Variants in DEPDC5 observed in about 807,000 individuals in gnomAD.
DEPDC5 encodes the protein DEP domain containing 5, GATOR1 subcomplex subunit.
In DEPDC5, 73 loss-of-function variants were observed where a neutral mutation model predicts 217.3. The ratio of observed to expected loss-of-function variants is 0.34; its 90% CI spans 0.28 to 0.41. DEPDC5 has a LOEUF of 0.41. Ranked by LOEUF, DEPDC5 falls within the 10% of genes least tolerant of loss-of-function variation. DEPDC5 has a pLI of 1.00. For synonymous variants in DEPDC5, 733 were observed against 756.7 expected, an observed-to-expected ratio of 0.97 and a Z score of 0.51; for missense variants, 1,675 against 2,070.1, an observed-to-expected ratio of 0.81 and a Z score of 3.70.
chr22:31,774,866 C>T (rs767816857), intron 7 of DEPDC5, among the ~76,000 whole-genome samples: 2 of 152,070 alleles, frequency 1.3e-5, no homozygotes, highest in African/African-American at 2.4e-5. Flanking sequence ...TCGTGATCCA[C>T]CCACCTCGGC....
At chr22:31,884,382 G>A (rs919903494) in intron 38 of DEPDC5, among the ~76,000 whole-genome samples, 1 of 152,156 alleles carries the variant, frequency 6.6e-6, no homozygotes, top group Non-Finnish European at 1.5e-5. Context: ...AACTCAAATC[G>A]GGTTTCTGTC....
chr22:31,808,313 T>A (rs1217458680), intron 18 of DEPDC5, among the ~76,000 whole-genome samples: 2 of 150,366 alleles, frequency 1.3e-5, no homozygotes, highest in Non-Finnish European at 3.0e-5. Context: ...CAGGCTGGAG[T>A]GCAGTGGTGC....
intron 22 of DEPDC5, 101 bp from the exon 23 acceptor site, chr22:31,821,401 A>C: frequency 2.0e-6 from 3 of 1,494,530 alleles, no homozygotes; most frequent in Non-Finnish European, 2.8e-6. Context: ...AATCTCACCA[A>C]CATCTGTATC....
intron 33 of DEPDC5, among the ~76,000 whole-genome samples, 158 bp downstream of exon 33, chr22:31,861,591 T>C (rs1018531035): frequency 6.6e-6 from 1 of 152,200 alleles, no homozygotes; most frequent in Admixed American, 6.5e-5. Flanking sequence ...TCTTCCATGT[T>C]GTTTGTGGCG....
At chr22:31,894,034 C>A in intron 39 of DEPDC5, 1 of 235,444 alleles carries the variant, frequency 4.2e-6, no homozygotes, top group Non-Finnish European at 8.1e-6. Flanking sequence ...AGCAACAACC[C>A]TAGCCTCTAC....
chr22:31,882,638 T>G (rs1005676297), intron 38 of DEPDC5, among the ~76,000 whole-genome samples: 1 of 152,228 alleles, frequency 6.6e-6, no homozygotes, highest in Non-Finnish European at 1.5e-5. Context: ...AGGCAGCTAA[T>G]GGCAGCAAGT....
At position 31,815,156 on chromosome 22, in the gene DEPDC5, A is replaced by G. The variant is rs988963661; in HGVS notation, c.1610A>G (p.His537Arg). ...GKSANILMIPHPHLHQYEVSS... is the reference protein window; with the variant it reads ...GKSANILMIPRPHLHQYEVSS... ...AGTGCCAACATCCTGATGATCCCAC[A>G]CCCCCACCTGCACCAGTATGAAGTC... Residue 537 changes from histidine to arginine, a missense_variant, in exon 21 of 43, where the codon CAC (histidine) becomes CGC (arginine). Physicochemically the swap from His to Arg is conservative, Grantham distance 29 (BLOSUM62 0). Coordinates refer to ENST00000651528, the MANE Select transcript of DEPDC5 (RefSeq NM_001242896.3). 3 of 1,613,664 alleles carry G rather than the reference A, an allele frequency of 1.9e-6. No individual in the cohort carries two copies. The highest frequency in any genetic ancestry group is 2.7e-5 in the African/African-American group (2 of 74,768).
rs199879940 is a variant in DEPDC5 at position 31,762,375 on chromosome 22, A to C, written c.193+1673A>C. ...TCTTTTTCCCTCTAATGGCTATGCC[A>C]TGCTGTTCAAGGAACCAAAATGTTA... On this transcript the variant is annotated intron_variant, in intron 4 of 42. Coordinates refer to ENST00000651528, the MANE Select transcript of DEPDC5 (RefSeq NM_001242896.3). 2.0e-4 allele frequency among the ~76,000 whole-genome samples: 30 copies of C among 152,348 alleles called. No homozygotes were observed. The East Asian group carries it at 5.2e-3, about 26-fold the overall frequency.
chr22:31,828,357 A>T (rs2090316671), intron 24 of DEPDC5, among the ~76,000 whole-genome samples: 1 of 150,022 alleles, frequency 6.7e-6, no homozygotes, highest in African/African-American at 2.5e-5. Context: ...AGGCTGAGGC[A>T]GGAGAATCGC....
chr22:31,861,046 G>A (rs548419612), intron 32 of DEPDC5, among the ~76,000 whole-genome samples: 308 of 152,194 alleles, frequency 2.0e-3, no homozygotes, highest in African/African-American at 7.3e-3. Context: ...ACCTGAGAGA[G>A]CTTGGACACA....
intron 33 of DEPDC5, among the ~76,000 whole-genome samples, chr22:31,862,370 G>A (rs2092546997): frequency 6.6e-6 from 1 of 152,154 alleles, no homozygotes; most frequent in Admixed American, 6.5e-5. Context: ...TTTGAGACCA[G>A]CTGGGCCAAC....
At chr22:31,813,969 C>G (rs2088761566) in intron 20 of DEPDC5, 1 of 152,082 alleles carries the variant, frequency 6.6e-6, no homozygotes, top group Non-Finnish European at 1.5e-5. Context: ...CCCGTCTCTA[C>G]TAAAAATACG....
intron 9 of DEPDC5, 178 bp from the exon 10 acceptor site, chr22:31,784,636 A>AT: frequency 3.5e-5 from 16 of 461,132 alleles, no homozygotes; most frequent in Non-Finnish European, 4.6e-5. Flanking sequence ...AAAAAAAAAA[A>AT]GATGTACAAA....
intron 21 of DEPDC5, among the ~76,000 whole-genome samples, chr22:31,818,441 G>T (rs969415204): frequency 1.2e-4 from 18 of 152,142 alleles, no homozygotes; most frequent in African/African-American, 3.6e-4. Flanking sequence ...AAGGGAAAAA[G>T]AATGCAGATC....
intron 12 of DEPDC5, among the ~76,000 whole-genome samples, chr22:31,795,315 C>T (rs551089705): frequency 1.7e-4 from 26 of 151,820 alleles, no homozygotes; most frequent in South Asian, 1.0e-3. Flanking sequence ...GGTGATCCAC[C>T]GCCCTCAGCC....
chr22:31,888,361 T>A (rs564893635), intron 38 of DEPDC5, among the ~76,000 whole-genome samples: 12 of 140,894 alleles, frequency 8.5e-5, no homozygotes, highest in African/African-American at 2.9e-4. Context: ...GCAAGTCCCC[T>A]GCCTCAGCCT....
intron 26 of DEPDC5, among the ~76,000 whole-genome samples, chr22:31,838,100 G>A (rs1184498868): frequency 6.6e-6 from 1 of 152,010 alleles, no homozygotes; most frequent in East Asian, 1.9e-4. Context: ...ACTCCAGTTG[G>A]TTCTGGCTTT....
intron 4 of DEPDC5, among the ~76,000 whole-genome samples, 193 bp from the exon 5 acceptor site, chr22:31,764,782 T>G (rs946789541): frequency 5.9e-5 from 9 of 152,288 alleles, no homozygotes; most frequent in Non-Finnish European, 7.4e-5. Context: ...GTTGATTGCT[T>G]AGGCTCTGGT....
At chr22:31,889,057 C>T (rs936829490) in intron 38 of DEPDC5, among the ~76,000 whole-genome samples, 2 of 152,142 alleles carry the variant, frequency 1.3e-5, no homozygotes, top group Non-Finnish European at 2.9e-5. Flanking sequence ...AGTATCACTC[C>T]CCTACCTGGG....
Sources: gnomAD v4.1 joint callset for allele counts (sites outside exome capture counted in the v4.1 genomes callset) on GRCh38, gnomAD v4.1.1 for gene constraint, MANE v1.5 for transcripts, NCBI Gene and HGNC (gene_info 2026-07-23, HGNC 2026-07-21) for gene names.